The following PDE1C variants were observed in gnomAD, a reference collection of about 807,000 sequenced individuals.
The protein encoded by PDE1C is phosphodiesterase 1C, also known as dual specificity calcium/calmodulin-dependent 3',5'-cyclic nucleotide phosphodiesterase 1C.
PDE1C carries 62 observed loss-of-function variants against 93.1 expected under a neutral mutation model. That is an observed-to-expected ratio of 0.67 (90% CI 0.54 to 0.82). PDE1C has a LOEUF of 0.82. Among genes scored for constraint, PDE1C ranks in the 40% least tolerant of loss-of-function variants. PDE1C has a pLI of 0.00. For missense variants in PDE1C, 742 were observed against 884.6 expected, an observed-to-expected ratio of 0.84 and a Z score of 2.04; for synonymous variants, 325 against 310.1, an observed-to-expected ratio of 1.05 and a Z score of -0.50.
At chr7:32,145,052 C>T (rs1270916341) in intron 3 of PDE1C, among the ~76,000 whole-genome samples, 1 of 152,216 alleles carries the variant, frequency 6.6e-6, no homozygotes, top group Non-Finnish European at 1.5e-5. Flanking sequence ...TCAACAATGT[C>T]TCCCAGTGCC....
the PDE1C span, among the ~76,000 whole-genome samples, chr7:31,702,207 A>ATTTAT: frequency 4.2e-4 from 59 of 141,972 alleles, no homozygotes; most frequent in African/African-American, 1.5e-3. Flanking sequence ...ACCCTTATTT[A>ATTTAT]TTTTTTTTTT....
chr7:31,959,631 T>C (rs75817663), intron 2 of PDE1C, among the ~76,000 whole-genome samples: 2,288 of 152,286 alleles, frequency 0.015, 56 homozygotes, highest in African/African-American at 0.051. Context: ...AATATTCATA[T>C]TGTTTGAGGA....
At position 32,068,911 on chromosome 7, in the gene PDE1C, G is replaced by A. The variant is rs550957193; in HGVS notation, c.101+1382C>T. On this transcript the variant is annotated intron_variant, in intron 1 of 17. Coordinates refer to ENST00000396191, the MANE Select transcript of PDE1C (RefSeq NM_001191057.4). ...TTTCTGTGTGCAGCACAATACAATC[G>A]GACGTAATGTTCACTAAATATAACA... Among the ~76,000 whole-genome samples the A allele has an allele frequency of 2.6e-5, 4 of 152,174 alleles. No individual in the cohort carries two copies. The East Asian group carries it at 5.8e-4, about 22-fold the overall frequency.
At chr7:31,714,403 AG>A in the PDE1C span, among the ~76,000 whole-genome samples, 2 of 152,196 alleles carry the variant, frequency 1.3e-5, no homozygotes, top group African/African-American at 4.8e-5. Flanking sequence ...AAAAGTCTCT[AG>A]GAAGTTCCAA....
chr7:32,034,321 C>T (rs1790748340), intron 2 of PDE1C, among the ~76,000 whole-genome samples: 1 of 152,078 alleles, frequency 6.6e-6, no homozygotes, highest in African/African-American at 2.4e-5. Context: ...TCACATCCCC[C>T]ACTCCCCCTA....
intron 2 of PDE1C, among the ~76,000 whole-genome samples, chr7:32,206,792 T>A (rs1352571796): frequency 1.3e-5 from 2 of 152,228 alleles, no homozygotes; most frequent in South Asian, 2.1e-4. Context: ...GCTGGCCTTG[T>A]GATAGATGCC....
chr7:31,643,854 C>G, the PDE1C span: 44 of 1,613,836 alleles, frequency 2.7e-5, no homozygotes, highest in African/African-American at 5.1e-4. Context: ...AACCCTCAGT[C>G]TGTAGGCACT....
rs1284154469 is a variant in PDE1C at position 31,751,915 on chromosome 7, C to G, written c.*1469G>C. 2 of 152,180 alleles carry G rather than the reference C, an allele frequency of 1.3e-5. No individual in the cohort carries two copies. The highest frequency in any genetic ancestry group is 3.9e-4 in the East Asian group (2 of 5,172). 9.4% of individuals were successfully genotyped at this position (152,180 alleles called of 1,614,324 possible). A position where few individuals can be genotyped will look rare whatever the true frequency, so the allele number is the denominator to read the frequency against. ...AAGGTCGAGGCCATCCGGGAACAAACAGCTCCTTCTTTGTAGGGCTGTCCT... is the reference window on the plus strand; with the variant it reads ...AAGGTCGAGGCCATCCGGGAACAAAGAGCTCCTTCTTTGTAGGGCTGTCCT... On this transcript the variant is annotated 3_prime_UTR_variant, in exon 18 of 18. Transcript: ENST00000396191.
At chr7:31,856,530 A>G (rs940139502) in intron 7 of PDE1C, among the ~76,000 whole-genome samples, 4 of 152,182 alleles carry the variant, frequency 2.6e-5, no homozygotes, top group African/African-American at 4.8e-5. Context: ...GAAGCTGTGC[A>G]TGATTCACTT....
intron 3 of PDE1C, among the ~76,000 whole-genome samples, chr7:32,082,223 C>G (rs1418489134): frequency 6.6e-6 from 1 of 152,268 alleles, no homozygotes; most frequent in Admixed American, 6.5e-5. Context: ...CCGCACATGG[C>G]TCTGAGGGTC....
chr7:32,028,808 T>C (rs1789841468), intron 2 of PDE1C, among the ~76,000 whole-genome samples: 1 of 152,114 alleles, frequency 6.6e-6, no homozygotes, highest in Admixed American at 6.6e-5. Flanking sequence ...CCTGTGTAAC[T>C]GAGATTTTGT....
At chr7:32,033,352 G>A (rs1224670936) in intron 2 of PDE1C, among the ~76,000 whole-genome samples, 1 of 152,024 alleles carries the variant, frequency 6.6e-6, no homozygotes, top group Non-Finnish European at 1.5e-5. Flanking sequence ...TGAACTTACA[G>A]TCTGGAAAGC....
chr7:32,067,127 T>C (rs1291907575), intron 1 of PDE1C, among the ~76,000 whole-genome samples: 1 of 150,894 alleles, frequency 6.6e-6, no homozygotes, highest in Non-Finnish European at 1.5e-5. Context: ...TAATCCCAGC[T>C]AAGATAGAGT....
chr7:32,370,274 C>T (rs1347181833), intron 1 of PDE1C, among the ~76,000 whole-genome samples: 16 of 151,914 alleles, frequency 1.1e-4, no homozygotes, highest in Admixed American at 1.0e-3. Flanking sequence ...ACGGTGAAAC[C>T]CCATCTCTAC....
At chr7:31,732,636 T>TTTTGTGTGTG in the PDE1C span, among the ~76,000 whole-genome samples, 1 of 103,128 alleles carries the variant, frequency 9.7e-6, no homozygotes, top group African/African-American at 3.3e-5. Context: ...TCTCCTCTCT[T>TTTTGTGTGTG]TCTGTGTGTG....
rs1263221025 is a variant in PDE1C, at chr7:32,286,210, A to G, written c.85+12441T>C. On this transcript the variant is annotated intron_variant, in intron 1 of 18. Transcript: ENST00000396193. ...CATTGGGATGTTAAGAGGAGATGAT[A>G]GATGTCCCAAAAGTGCTTTGGATTT... 2.0e-5 allele frequency among the ~76,000 whole-genome samples: 3 copies of G among 152,216 alleles called. No individual in the cohort carries two copies. The East Asian group carries it at 5.8e-4, about 29-fold the overall frequency.
chr7:32,410,096 T>C (rs1402040086), intron 1 of PDE1C, among the ~76,000 whole-genome samples: 1 of 152,160 alleles, frequency 6.6e-6, no homozygotes, highest in Non-Finnish European at 1.5e-5. Context: ...CTCATGCTAA[T>C]GTACCAAAAA....
At position 32,119,560 on chromosome 7, in the gene PDE1C, G is replaced by A. The variant is rs912605722; in HGVS notation, c.308+50225C>T. Among the ~76,000 whole-genome samples, 18 of 152,272 alleles carry A rather than the reference G, an allele frequency of 1.2e-4. 5 individuals carry two copies. Among genetic ancestry groups the A allele is most frequent in the Admixed American group, 6.5e-5 (1 of 15,298 alleles). On this transcript the variant is annotated intron_variant, in intron 3 of 18. Transcript: ENST00000396193. ...TCCCATCAAAAAGAACCATAATAGCGTGTAAATCCTGCACCAGCAAGCAAG... is the reference window on the plus strand; with the variant it reads ...TCCCATCAAAAAGAACCATAATAGCATGTAAATCCTGCACCAGCAAGCAAG...
At chr7:31,794,089 C>CAGACAGATAGATAGATAGATAGAT (rs1562808129) in intron 16 of PDE1C, among the ~76,000 whole-genome samples, 1 of 136,080 alleles carries the variant, frequency 7.3e-6, no homozygotes, top group African/African-American at 3.0e-5. Context: ...GACAGACAGA[C>CAGACAGATAGATAGATAGATAGAT]AGATAGATAG....
Sources: allele counts gnomAD v4.1 joint callset (sites outside exome capture counted in the v4.1 genomes callset), GRCh38; gene constraint gnomAD v4.1.1; transcripts MANE v1.5; gene names NCBI Gene and HGNC (gene_info 2026-07-23, HGNC 2026-07-21).